SETDB1: variants seen among roughly 807,000 people sequenced by gnomAD.
SETDB1 encodes the protein SET domain bifurcated histone lysine methyltransferase 1, also known as histone-lysine N-methyltransferase SETDB1.
Under a neutral mutation model 137.4 loss-of-function variants are expected in SETDB1, and 31 were observed. That is an observed-to-expected ratio of 0.23 (90% CI 0.17 to 0.30). The LOEUF (loss-of-function observed/expected upper bound fraction) is 0.30, where lower values mean the gene tolerates loss of function less well. SETDB1 is among the 10% of genes least tolerant of loss of function. The pLI is 1.00. For synonymous variants in SETDB1, 548 were observed against 579.9 expected (o/e 0.95, Z 0.79); for missense variants, 1,113 against 1,631.5 (o/e 0.68, Z 5.47).
Position 150,937,406 on chromosome 1 carries a change from C to T in SETDB1, c.413-2534C>T, listed in dbSNP as rs138998739. Among the ~76,000 whole-genome samples, 425 of 152,080 alleles carry T rather than the reference C, an allele frequency of 2.8e-3. 2 individuals are homozygous for T. Among genetic ancestry groups the T allele is most frequent in the African/African-American group, 9.6e-3 (400 of 41,474 alleles). On this transcript the variant is annotated intron_variant, in intron 3 of 21. Coordinates refer to ENST00000692827, the MANE Select transcript of SETDB1 (RefSeq NM_001366418.1). ...TGAAAAGAGTTCTGGAAATGGATGG[C>T]GGTTATGGTTGCACAACAATATAAA...
In SETDB1 at chr1:150,942,839, C is replaced by A; in HGVS notation, c.674-13C>A. On this transcript the variant is annotated splice_polypyrimidine_tract_variant and intron_variant, in intron 6 of 21. Transcript: ENST00000692827. ...GCAGTGTTTAAAAAGATTTATCTTT[C>A]CCTTTTACTCAGGGCCAGGGAAGAA... 1.2e-6 allele frequency: 2 copies of A among 1,612,316 alleles called. No homozygotes were observed. Among genetic ancestry groups the A allele is most frequent in the Non-Finnish European group, 1.7e-6 (2 of 1,178,400 alleles).
rs41266594 is a variant in SETDB1 at position 150,964,655 on chromosome 1, T to G, written c.*291T>G. ...AAGTGTTCCTGCTTCTAACAGACTT[T>G]GTTCTTAGAATGGAGCCTGTGTATC... On this transcript the variant is annotated 3_prime_UTR_variant, in exon 22 of 22. Transcript: ENST00000692827. 3,646 of 607,706 alleles carry G rather than the reference T, an allele frequency of 6.0e-3. 25 individuals carry two copies. The highest frequency in any genetic ancestry group is 8.3e-3 in the Middle Eastern group (19 of 2,292). The allele number at this position is 607,706 out of a possible 1,614,324, so 37.6% of individuals were successfully genotyped here.
At chr1:150,945,921 C>T (rs1571643919) in intron 9 of SETDB1, among the ~76,000 whole-genome samples, 2 of 152,094 alleles carry the variant, frequency 1.3e-5, no homozygotes, top group African/African-American at 4.8e-5. Context: ...AGGCTGGTCC[C>T]GAACTCCTGA....
chr1:150,953,939 C>T (rs1558023501), intron 14 of SETDB1, among the ~76,000 whole-genome samples: 1 of 151,864 alleles, frequency 6.6e-6, no homozygotes, highest in Non-Finnish European at 1.5e-5. Flanking sequence ...ACTGCAAGCT[C>T]CGCCTTCCGG....
chr1:150,943,159 C>G, intron 7 of SETDB1, 106 bp downstream of exon 7: 1 of 747,898 alleles, frequency 1.3e-6, no homozygotes, highest in South Asian at 1.7e-5. Context: ...TCTTAGTCCC[C>G]AGTGGACTGA....
In SETDB1 at chr1:150,951,392, T is replaced by C. The variant is rs1184940744; in HGVS notation, c.2244T>C (p.Thr748=). 2 of 1,613,230 alleles carry C rather than the reference T, an allele frequency of 1.2e-6. No homozygotes were observed. The highest frequency in any genetic ancestry group is 4.5e-5 in the East Asian group (2 of 44,882). Residue 748 remains threonine, a synonymous_variant, in exon 14 of 22, where the codon ACT becomes ACC. Coordinates refer to ENST00000692827, the MANE Select transcript of SETDB1 (RefSeq NM_001366418.1). ...CCAAGTGTGCCTGCCATCAACTAAC[T>C]ATCCAGGCTACAGCCTGTACCCCAG... is the stretch of plus-strand genomic sequence containing the variant. ...DKSKCACHQL[T]IQATACTPGG... is the part of the protein sequence containing the mutation.
At chr1:150,943,844 A>G (rs1262509248) in intron 7 of SETDB1, 76 bp from the exon 8 acceptor site, 10 of 881,872 alleles carry the variant, frequency 1.1e-5, no homozygotes, top group Non-Finnish European at 1.9e-5. Context: ...AGTAGAAGCT[A>G]TGATAAAATA....
At chr1:150,931,656 C>A (rs1429383524) in intron 3 of SETDB1, among the ~76,000 whole-genome samples, 14 of 108,404 alleles carry the variant, frequency 1.3e-4, no homozygotes, top group East Asian at 8.5e-4. Flanking sequence ...AAAGATAAAC[C>A]AAAAAAAAAA....
intron 9 of SETDB1, 39 bp downstream of exon 9, chr1:150,945,147 T>TGG (rs587715611): frequency 6.2e-7 from 1 of 1,610,532 alleles, no homozygotes; most frequent in East Asian, 2.2e-5. Flanking sequence ...CAGAGGTTGG[T>TGG]GGGGGGGGAA....
chr1:150,962,809 C>T, intron 18 of SETDB1, 90 bp downstream of exon 18: 1 of 1,473,836 alleles, frequency 6.8e-7, no homozygotes, highest in East Asian at 2.3e-5. Context: ...ACTGTTAGGT[C>T]TTCTCCTACT....
Position 150,964,479 on chromosome 1 carries a change from G to A in SETDB1, c.*115G>A. The stretch of plus-strand genomic sequence containing the variant: ...GGCTAGCTACTCCCCCCAGCTCCTA[G>A]TTGATAGAAATGGGGGTTCTGGACC... On this transcript the variant is annotated 3_prime_UTR_variant, in exon 22 of 22. Transcript: ENST00000692827. 2 of 773,632 alleles carry A rather than the reference G, an allele frequency of 2.6e-6. No homozygotes were observed. The highest frequency in any genetic ancestry group is 4.5e-6 in the Non-Finnish European group (2 of 440,200). The allele number at this position is 773,632 out of a possible 1,614,324, so 47.9% of individuals were successfully genotyped here. A position where few individuals can be genotyped will look rare whatever the true frequency, so the allele number is the denominator to read the frequency against.
chr1:150,951,513 G>GTCTCTC, intron 14 of SETDB1, 32 bp downstream of exon 14: 16 of 1,101,604 alleles, frequency 1.5e-5, no homozygotes, highest in Non-Finnish European at 2.1e-5. Context: ...CAGTACCTCA[G>GTCTCTC]AGAGACTGAG....
intron 14 of SETDB1, among the ~76,000 whole-genome samples, chr1:150,955,249 A>G (rs1463062709): frequency 2.0e-5 from 3 of 152,200 alleles, no homozygotes; most frequent in Admixed American, 1.3e-4. Context: ...TCTTTTTTAC[A>G]CGTTTGAAAT....
chr1:150,926,678 T>TGGGTA, intron 1 of SETDB1, 161 bp downstream of exon 1: 1 of 518,468 alleles, frequency 1.9e-6, no homozygotes, highest in South Asian at 1.4e-5. Flanking sequence ...ACCCCTAGAA[T>TGGGTA]GGGTAGCACG....
chr1:150,926,810 T>C, intron 1 of SETDB1: 2 of 533,496 alleles, frequency 3.7e-6, no homozygotes, highest in Non-Finnish European at 7.7e-6. Context: ...GGATATTAGG[T>C]ACCCACGTTT....
intron 14 of SETDB1, among the ~76,000 whole-genome samples, chr1:150,952,441 G>A (rs1374957461): frequency 1.3e-5 from 2 of 152,190 alleles, no homozygotes; most frequent in East Asian, 3.9e-4. Flanking sequence ...ATAGATTATG[G>A]AGTGGGGGGA....
rs369335248 is a variant in SETDB1 at position 150,945,216 on chromosome 1, T to C, written c.1140+108T>C. The C allele has an allele frequency of 9.1e-6, 14 of 1,535,062 alleles. No homozygotes were observed. In the East Asian group the frequency reaches 1.5e-4, roughly 16 times the overall value. On this transcript the variant is annotated intron_variant, in intron 9 of 21. Coordinates refer to ENST00000692827, the MANE Select transcript of SETDB1 (RefSeq NM_001366418.1). ...TATTCCATAGCCTTCCTCTTTCTTA[T>C]CCTCGTATGTGTTCTCACTGTTTTT... is the stretch of plus-strand genomic sequence containing the variant.
chr1:150,944,083 T>C (rs1670248533), intron 8 of SETDB1, 90 bp downstream of exon 8: 5 of 937,428 alleles, frequency 5.3e-6, no homozygotes, highest in Non-Finnish European at 7.0e-6. Flanking sequence ...CCTAGTGTTT[T>C]TGGTATTTCA....
Position 150,927,817 on chromosome 1 carries a change from A to G in SETDB1, c.103A>G (p.Ile35Val). The change falls in exon 2 of 22, where the codon ATC becomes GTC. Residue 35 changes from isoleucine (I) to valine (V), a missense_variant. Ile to Val is a conservative substitution (Grantham distance 29, BLOSUM62 3). Transcript: ENST00000692827. ...ACAGGCAGTGGTTGAGGAACTGGGT[A>G]TCTCTATGGAGGAACTTCGGCATTT... Reference protein sequence around the residue: ...LQQAVVEELGISMEELRHFID... With the variant: ...LQQAVVEELGVSMEELRHFID... The G allele has an allele frequency of 6.2e-7, 1 of 1,614,198 alleles. No homozygotes were observed. Among genetic ancestry groups the G allele is most frequent in the Non-Finnish European group, 8.5e-7 (1 of 1,180,028 alleles).
Sources: gnomAD v4.1 joint callset for allele counts (sites outside exome capture counted in the v4.1 genomes callset) on GRCh38, gnomAD v4.1.1 for gene constraint, MANE v1.5 for transcripts, NCBI Gene and HGNC (gene_info 2026-07-23, HGNC 2026-07-21) for gene names.